Variants in FAT1 observed in about 807,000 individuals in gnomAD.
The protein encoded by FAT1 is FAT atypical cadherin 1.
FAT1 carries 171 observed loss-of-function variants against 329.8 expected under a neutral mutation model. That is an observed-to-expected ratio of 0.52 (90% CI 0.46 to 0.59). The LOEUF is 0.59. Among genes scored for constraint, FAT1 ranks in the 20% least tolerant of loss-of-function variants. The pLI, the probability that FAT1 is intolerant of heterozygous loss-of-function variation, is 0.00. For missense variants in FAT1, 5,672 were observed against 5,774.4 expected, an observed-to-expected ratio of 0.98 and a Z score of 0.57; for synonymous variants, 2,233 against 2,228.6, an observed-to-expected ratio of 1.00 and a Z score of -0.06.
intron 3 of FAT1, among the ~76,000 whole-genome samples, chr4:186,657,608 T>C (rs1453098035): frequency 6.6e-6 from 1 of 152,184 alleles, no homozygotes; most frequent in Non-Finnish European, 1.5e-5. Context: ...GCTTATCAAA[T>C]TGTAGACTTT....
In FAT1 at chr4:186,588,099, G is replaced by GA. The variant is rs887163493; in HGVS notation, c.*492dup. ...ACTAACAAAATGTCACACTTCAGTGGAAAAAGACAGAATGAAACCCTGGTT... is the reference window on the plus strand; with the variant it reads ...ACTAACAAAATGTCACACTTCAGTGGAAAAAAGACAGAATGAAACCCTGGTT... On this transcript the variant is annotated 3_prime_UTR_variant, in exon 27 of 27. Coordinates refer to ENST00000441802, the MANE Select transcript of FAT1 (RefSeq NM_005245.4). 4.6e-6 allele frequency: 1 copy of GA among 219,418 alleles called. No homozygotes were observed. Among genetic ancestry groups the GA allele is most frequent in the African/African-American group, 2.3e-5 (1 of 43,194 alleles). 13.6% of individuals were successfully genotyped at this position (219,418 alleles called of 1,614,324 possible). A position where few individuals can be genotyped will look rare whatever the true frequency, so the allele number is the denominator to read the frequency against.
intron 1 of FAT1, among the ~76,000 whole-genome samples, chr4:186,711,727 G>T (rs1045621032): frequency 6.6e-6 from 1 of 152,096 alleles, no homozygotes; most frequent in Non-Finnish European, 1.5e-5. Flanking sequence ...AGACCAGCCT[G>T]GCCAAAACAT....
intron 3 of FAT1, among the ~76,000 whole-genome samples, chr4:186,641,328 TAA>T (rs901652177): frequency 2.0e-5 from 3 of 152,236 alleles, no homozygotes; most frequent in African/African-American, 7.2e-5. Flanking sequence ...CTTACGGGTG[TAA>T]AAATGACGCT....
chr4:186,686,109 AG>A (rs988333609), intron 2 of FAT1, among the ~76,000 whole-genome samples: 17 of 152,218 alleles, frequency 1.1e-4, no homozygotes. Flanking sequence ...TGTCTGGTTT[AG>A]AAAAATAATG....
intron 26 of FAT1, 138 bp from the exon 27 acceptor site, chr4:186,589,358 C>T (rs909622184): frequency 1.9e-5 from 19 of 987,632 alleles, no homozygotes; most frequent in African/African-American, 6.5e-5. Flanking sequence ...GGAAATTCCT[C>T]GTCTTTGCTT....
Position 186,596,054 on chromosome 4 carries a change from G to A in FAT1, c.13001-228C>T, listed in dbSNP as rs768823193. 3.9e-5 allele frequency among the ~76,000 whole-genome samples: 6 copies of A among 152,192 alleles called. No homozygotes were observed. The highest frequency in any genetic ancestry group is 2.1e-4 in the South Asian group (1 of 4,818). On this transcript the variant is annotated intron_variant, in intron 25 of 26. Coordinates refer to ENST00000441802, the MANE Select transcript of FAT1 (RefSeq NM_005245.4). This position sits in a 1 kb window ranked among gnomAD's most constrained non-coding sequence, Gnocchi z 4.7. ...AGAGATTATTCATAGAGTAGAAATCGCCCATAAGCATGCCTATGGGTATCA... is the reference window on the plus strand; with the variant it reads ...AGAGATTATTCATAGAGTAGAAATCACCCATAAGCATGCCTATGGGTATCA...
intron 2 of FAT1, among the ~76,000 whole-genome samples, chr4:186,700,637 G>A (rs192859237): frequency 1.8e-4 from 27 of 151,804 alleles, no homozygotes; most frequent in Admixed American, 1.6e-3. Flanking sequence ...AGGCTCCCTC[G>A]CAGCATCCGT....
intron 17 of FAT1, among the ~76,000 whole-genome samples, chr4:186,605,593 GAGT>G (rs1739089448): frequency 8.3e-6 from 1 of 121,154 alleles, no homozygotes; most frequent in Non-Finnish European, 1.7e-5. Flanking sequence ...TGGGAGGGAG[GAGT>G]GGGGAGGAGG....
At chr4:186,692,670 A>G (rs971377569) in intron 2 of FAT1, among the ~76,000 whole-genome samples, 1 of 152,098 alleles carries the variant, frequency 6.6e-6, no homozygotes, top group Non-Finnish European at 1.5e-5. Flanking sequence ...AAGATACCAA[A>G]TCAACACTCC....
chr4:186,604,299 C>T, intron 18 of FAT1, 78 bp downstream of exon 18: 1 of 1,238,562 alleles, frequency 8.1e-7, no homozygotes, highest in Non-Finnish European at 1.1e-6. Flanking sequence ...GTAAGCTGTT[C>T]AAATAGAAGA....
chr4:186,707,794 A>G lies in FAT1; in HGVS notation c.2034T>C (p.Gly678=), dbSNP rs748094703. 3 of 1,613,712 alleles carry G rather than the reference A, an allele frequency of 1.9e-6. No homozygotes were observed. Among genetic ancestry groups the G allele is most frequent in the South Asian group, 1.1e-5 (1 of 91,084 alleles). Residue 678 remains glycine (G), a synonymous_variant, in exon 2 of 27, where the codon GGT becomes GGC. Transcript: ENST00000441802. ...GCTTCTCTGCCAGCATTTTGGCAAC[A>G]CCAGTCTCTTCACACTGCAAGTTTA... ...KLVNLQCEET[G]VAKMLAEKLL...
At chr4:186,635,452 A>C (rs1307093103) in intron 6 of FAT1, among the ~76,000 whole-genome samples, 1 of 152,206 alleles carries the variant, frequency 6.6e-6, no homozygotes, top group Non-Finnish European at 1.5e-5. Context: ...TGGAGGATGA[A>C]ATAATCTAAT....
In FAT1 at chr4:186,618,328, A is replaced by G. The variant is rs752527804; in HGVS notation, c.8258T>C (p.Ile2753Thr). The G allele has an allele frequency of 3.7e-6, 6 of 1,614,028 alleles. No individual in the cohort carries two copies. The South Asian group carries it at 6.6e-5, about 18-fold the overall frequency. The change falls in exon 10 of 27, where the codon ATT becomes ACT. Residue 2753 changes from isoleucine to threonine, a missense_variant. Ile to Thr is a moderately conservative substitution (Grantham distance 89). Coordinates refer to ENST00000441802, the MANE Select transcript of FAT1 (RefSeq NM_005245.4). ...CTTCAGTCTCCCGCTCTGTCTGTCA[A>G]TCACAAAGGACTCATCCCTATTGCT... ...PESNRDESFV[I>T]DRQSGRLKLE...
Position 186,663,848 on chromosome 4 carries a change from T to C in FAT1, c.3266-235A>G, listed in dbSNP as rs328448. 0.1 allele frequency among the ~76,000 whole-genome samples: 15,833 copies of C among 152,188 alleles called. 1,070 individuals are homozygous for C. The highest frequency in any genetic ancestry group is 0.19 in the African/African-American group (7,762 of 41,482). ...TGATTAGAACACTTGGCACATAATA[T>C]AGGCTATAAAAGTATTTGTTATTAG... On this transcript the variant is annotated intron_variant, in intron 2 of 26. Coordinates refer to ENST00000441802, the MANE Select transcript of FAT1 (RefSeq NM_005245.4).
chr4:186,705,106 ATTT>A (rs761512523), intron 2 of FAT1, among the ~76,000 whole-genome samples: 2 of 120,192 alleles, frequency 1.7e-5, no homozygotes, highest in African/African-American at 3.2e-5. Flanking sequence ...CCACCCCAGC[ATTT>A]TTTTTTTTTT....
chr4:186,621,020 G>C lies in FAT1; in HGVS notation c.5566C>G (p.Arg1856Gly), dbSNP rs576312211. 6.2e-7 allele frequency: 1 copy of C among 1,612,580 alleles called. No homozygotes were observed. Among genetic ancestry groups the C allele is most frequent in the African/African-American group, 1.3e-5 (1 of 75,046 alleles). Residue 1856 changes from arginine (R) to glycine (G), a missense_variant, in exon 10 of 27, where the codon CGT becomes GGT. Physicochemically the swap from Arg to Gly is moderately radical, Grantham distance 125 (BLOSUM62 -2). This residue lies in a region of FAT1 where 3,966 missense variants were observed against 3,915.2 expected (regional missense o/e 1.01). Coordinates refer to ENST00000441802, the MANE Select transcript of FAT1 (RefSeq NM_005245.4). ...TVQVHDMGTP[R>G]LFAEYAANVT... ...TTCGCTGCATACTCAGCAAATAAAC[G>C]TGGGGTTCCCATGTCATGCACTTGG...
chr4:186,611,926 C>T (rs1258875015), intron 13 of FAT1, among the ~76,000 whole-genome samples, 151 bp from the exon 14 acceptor site: 1 of 151,202 alleles, frequency 6.6e-6, no homozygotes, highest in Non-Finnish European at 1.5e-5. Flanking sequence ...CAGGTTCAAG[C>T]AATTCTCCTG....
At chr4:186,671,176 T>G (rs1742709763) in intron 2 of FAT1, among the ~76,000 whole-genome samples, 1 of 152,186 alleles carries the variant, frequency 6.6e-6, no homozygotes, top group African/African-American at 2.4e-5. Flanking sequence ...AAATACTAGA[T>G]TTAGACTGAT....
Position 186,620,593 on chromosome 4 carries a change from A to G in FAT1, c.5993T>C (p.Leu1998Ser), listed in dbSNP as rs779970589. The G allele has an allele frequency of 4.3e-6, 7 of 1,613,838 alleles. No homozygotes were observed. Among genetic ancestry groups the G allele is most frequent in the African/African-American group, 1.3e-5 (1 of 74,904 alleles). ...VKENSTEAET[L>S]AVITAIGNPI... is the part of the protein sequence containing the mutation. ...ATTCCCAATAGCAGTAATGACAGCT[A>G]ATGTTTCGGCCTCGGTGGAATTCTC... is the stretch of plus-strand genomic sequence containing the variant. Residue 1998 changes from leucine (L) to serine (S), a missense_variant, in exon 10 of 27, where the codon TTA (leucine) becomes TCA (serine). This residue lies in a region of FAT1 where 3,966 missense variants were observed against 3,915.2 expected (regional missense o/e 1.01). Transcript: ENST00000441802.
Sources: gnomAD v4.1 joint callset for allele counts (sites outside exome capture counted in the v4.1 genomes callset) on GRCh38, gnomAD v4.1.1 for gene constraint, gnomAD v4.1.1 regional missense constraint, Gnocchi (gnomAD v3.1) non-coding constraint, MANE v1.5 for transcripts, NCBI Gene and HGNC (gene_info 2026-07-23, HGNC 2026-07-21) for gene names.